COL23A1: variants seen among roughly 807,000 people sequenced by gnomAD.
The protein encoded by COL23A1 is collagen alpha-1(XXIII) chain.
COL23A1 carries 97 observed loss-of-function variants against 99.3 expected under a neutral mutation model. The observed-to-expected ratio is 0.98, with a 90% CI of 0.83 to 1.16. COL23A1 has a LOEUF of 1.16. Among genes scored for constraint, COL23A1 ranks in the 50% most tolerant of loss-of-function variants. The pLI is 0.00. For missense variants in COL23A1, 762 were observed against 757.4 expected, an observed-to-expected ratio of 1.01 and a Z score of -0.07; for synonymous variants, 320 against 308.2, an observed-to-expected ratio of 1.04 and a Z score of -0.40.
At position 178,248,182 on chromosome 5, in the gene COL23A1, A is replaced by G; in HGVS notation, c.1212+10T>C. Reference sequence around the variant, plus strand: ...TTGGGGGAAGCCCTGACCCCCCCATACCCCCTTACCAGGCTCTCCTGTAGG... The same window carrying G: ...TTGGGGGAAGCCCTGACCCCCCCATGCCCCCTTACCAGGCTCTCCTGTAGG... On this transcript the variant is annotated intron_variant, in intron 20 of 28. Coordinates refer to ENST00000390654, the MANE Select transcript of COL23A1 (RefSeq NM_173465.4). The G allele has an allele frequency of 6.4e-7, 1 of 1,565,190 alleles. No individual in the cohort carries two copies.
intron 5 of COL23A1, among the ~76,000 whole-genome samples, chr5:178,275,825 C>T (rs530010562): frequency 6.6e-6 from 1 of 152,162 alleles, no homozygotes; most frequent in Non-Finnish European, 1.5e-5. Context: ...GATTTCAGCC[C>T]CCCGGTCCTG....
chr5:178,276,648 AT>A (rs1756600440), intron 5 of COL23A1, among the ~76,000 whole-genome samples: 1 of 152,158 alleles, frequency 6.6e-6, no homozygotes. Context: ...TACGGTTCTG[AT>A]TTCTCAGCCT....
intron 22 of COL23A1, among the ~76,000 whole-genome samples, chr5:178,247,267 G>A (rs2127532367): frequency 6.6e-6 from 1 of 152,210 alleles, no homozygotes; most frequent in East Asian, 1.9e-4. Context: ...GTGGACCTGA[G>A]GAGGAGAGAG....
intron 2 of COL23A1, among the ~76,000 whole-genome samples, chr5:178,402,266 GA>G (rs1159153538): frequency 6.6e-6 from 1 of 152,176 alleles, no homozygotes; most frequent in Non-Finnish European, 1.5e-5. Context: ...TGAGGTGGGA[GA>G]ATTGCTTGAG....
In COL23A1 at chr5:178,288,338, G is replaced by C. The variant is rs373614230; in HGVS notation, c.427C>G (p.Arg143Gly). Residue 143 changes from arginine (R) to glycine (G), a missense_variant, in exon 5 of 29, where the codon CGA becomes GGA. Coordinates refer to ENST00000390654, the MANE Select transcript of COL23A1 (RefSeq NM_173465.4). ...GDPGPPGQSG[R>G]DGYPGPLGLD... Reference sequence around the variant, plus strand: ...TGACAAATTACCGGGTAGCCATCTCGTCCTGATTGCCCCTGTGGTAATTAA... The same window carrying C: ...TGACAAATTACCGGGTAGCCATCTCCTCCTGATTGCCCCTGTGGTAATTAA... 6.2e-7 allele frequency: 1 copy of C among 1,611,388 alleles called. No homozygotes were observed. The highest frequency in any genetic ancestry group is 1.7e-5 in the Admixed American group (1 of 60,004).
intron 12 of COL23A1, among the ~76,000 whole-genome samples, chr5:178,259,317 C>T (rs910101181): frequency 2.6e-5 from 4 of 152,112 alleles, no homozygotes; most frequent in African/African-American, 9.7e-5. Flanking sequence ...TCAGTGTTTT[C>T]AAGCTTGAGC....
chr5:178,299,786 C>G (rs2127595701), intron 3 of COL23A1, among the ~76,000 whole-genome samples: 1 of 152,152 alleles, frequency 6.6e-6, no homozygotes, highest in South Asian at 2.1e-4. Flanking sequence ...CTGAGACTGG[C>G]TCTGTCACCC....
intron 2 of COL23A1, among the ~76,000 whole-genome samples, chr5:178,390,467 G>C (rs1763907158): frequency 6.6e-6 from 1 of 152,142 alleles, no homozygotes; most frequent in African/African-American, 2.4e-5. Flanking sequence ...CTCTCCCGAG[G>C]GTCCCCTGGC....
At chr5:178,302,447 C>G (rs2913759) in intron 3 of COL23A1, among the ~76,000 whole-genome samples, 25,250 of 49,664 alleles carry the variant, frequency 0.51, 9,678 homozygotes, top group Non-Finnish European at 0.61. Context: ...CAATCCACCT[C>G]TGTGTGTGCC....
At chr5:178,488,591 T>C (rs1465306164) in intron 2 of COL23A1, among the ~76,000 whole-genome samples, 1 of 151,526 alleles carries the variant, frequency 6.6e-6, no homozygotes, top group African/African-American at 2.4e-5. Flanking sequence ...TCTCTTCTTA[T>C]CCCCAAACTC....
rs150403325 is a variant in COL23A1, at chr5:178,369,023, C to T, written c.362-62104G>A. Among the ~76,000 whole-genome samples the T allele has an allele frequency of 1.6e-3, 243 of 152,348 alleles. 2 individuals carry two copies. The highest frequency in any genetic ancestry group is 2.8e-3 in the Non-Finnish European group (193 of 68,036). On this transcript the variant is annotated intron_variant, in intron 2 of 28. Coordinates refer to ENST00000390654, the MANE Select transcript of COL23A1 (RefSeq NM_173465.4). ...TGCCCCTTCAAGGTTTAGCAAGCTC[C>T]CCGCACACCCACCTTCTTGACCCAG...
chr5:178,479,176 G>A (rs547150376), intron 2 of COL23A1, among the ~76,000 whole-genome samples: 3 of 152,222 alleles, frequency 2.0e-5, no homozygotes, highest in Admixed American at 1.3e-4. Context: ...ACCATCAGGC[G>A]CTTTATGTGC....
At chr5:178,432,990 G>A (rs1200494219) in intron 2 of COL23A1, among the ~76,000 whole-genome samples, 1 of 152,038 alleles carries the variant, frequency 6.6e-6, no homozygotes, top group Admixed American at 6.5e-5. Context: ...TGAGACCATG[G>A]TAGCTGGAGT....
intron 1 of COL23A1, among the ~76,000 whole-genome samples, chr5:178,580,014 A>T (rs572301387): frequency 3.3e-5 from 5 of 152,014 alleles, no homozygotes; most frequent in Non-Finnish European, 7.4e-5. Context: ...AGCTGTAGAG[A>T]GAGGAGGCTG....
chr5:178,367,030 G>T (rs913552702), intron 2 of COL23A1, among the ~76,000 whole-genome samples: 2 of 152,316 alleles, frequency 1.3e-5, no homozygotes, highest in East Asian at 3.9e-4. Flanking sequence ...TACATGGCAG[G>T]GATTTCAGAC....
At chr5:178,562,150 G>A in intron 1 of COL23A1, 1 of 502,174 alleles carries the variant, frequency 2.0e-6, no homozygotes, top group Non-Finnish European at 3.9e-6. Context: ...ACTGAGGCTG[G>A]AGAACTGCTT....
chr5:178,346,265 G>A (rs1016811240), intron 2 of COL23A1, among the ~76,000 whole-genome samples: 15 of 151,822 alleles, frequency 9.9e-5, no homozygotes, highest in Admixed American at 5.9e-4. Flanking sequence ...ATGGAGTTTC[G>A]TTCTGTCGCC....
intron 2 of COL23A1, among the ~76,000 whole-genome samples, chr5:178,492,820 T>C (rs935439362): frequency 4.2e-4 from 64 of 152,138 alleles, no homozygotes; most frequent in African/African-American, 1.3e-3. Flanking sequence ...AGGCTCTCTG[T>C]AGTAGAATGC....
intron 2 of COL23A1, among the ~76,000 whole-genome samples, chr5:178,375,042 C>T (rs1039157667): frequency 2.0e-5 from 3 of 152,172 alleles, no homozygotes; most frequent in African/African-American, 7.2e-5. Flanking sequence ...AGCTGATGAA[C>T]GGATGAAGAC....
Sources: gnomAD v4.1 joint callset for allele counts (sites outside exome capture counted in the v4.1 genomes callset) on GRCh38, gnomAD v4.1.1 for gene constraint, MANE v1.5 for transcripts, NCBI Gene and HGNC (gene_info 2026-07-23, HGNC 2026-07-21) for gene names.